The following MYOZ2 variants were observed in gnomAD, a reference collection of about 807,000 sequenced individuals.
MYOZ2 encodes the protein myozenin-2.
MYOZ2 carries 19 observed loss-of-function variants against 25.4 expected under a neutral mutation model. The ratio of observed to expected loss-of-function variants is 0.75; its 90% CI spans 0.52 to 1.10. The LOEUF (loss-of-function observed/expected upper bound fraction) is 1.10, where lower values mean the gene tolerates loss of function less well. Among genes scored for constraint, MYOZ2 ranks in the 50% least tolerant of loss-of-function variants. The pLI is 0.00. For synonymous variants in MYOZ2, 92 were observed against 106.9 expected (o/e 0.86, Z 0.86); for missense variants, 270 against 317.9 (o/e 0.85, Z 1.15).
chr4:119,176,512 TG>T (rs1195836136), intron 5 of MYOZ2, among the ~76,000 whole-genome samples: 2 of 152,202 alleles, frequency 1.3e-5, no homozygotes, highest in Non-Finnish European at 2.9e-5. Context: ...CATGAGCCAC[TG>T]TGCCTGGCCC....
In MYOZ2 at chr4:119,168,565, T is replaced by G. The variant is rs1425043586; in HGVS notation, c.560+4171T>G. Among the ~76,000 whole-genome samples the G allele has an allele frequency of 2.0e-5, 3 of 151,938 alleles. No homozygotes were observed. The East Asian group carries it at 5.8e-4, about 29-fold the overall frequency. On this transcript the variant is annotated intron_variant, in intron 5 of 5. Transcript: ENST00000307128. Reference sequence around the variant, plus strand: ...AACTCTCATGGTTAACTTTAAGGGGTTCAAGACTTCATTGGAGGAAGTAAA... The same window carrying G: ...AACTCTCATGGTTAACTTTAAGGGGGTCAAGACTTCATTGGAGGAAGTAAA...
chr4:119,185,662 C>T (rs1010056744), intron 5 of MYOZ2, among the ~76,000 whole-genome samples: 4 of 152,120 alleles, frequency 2.6e-5, no homozygotes, highest in African/African-American at 4.8e-5. Flanking sequence ...AGTACAAAGG[C>T]AAGACATGTC....
At chr4:119,141,133 G>A (rs531878747) in intron 2 of MYOZ2, among the ~76,000 whole-genome samples, 1 of 152,294 alleles carries the variant, frequency 6.6e-6, no homozygotes, top group African/African-American at 2.4e-5. Flanking sequence ...AGGGACAGGA[G>A]GAAGAGTTCT....
intron 5 of MYOZ2, among the ~76,000 whole-genome samples, chr4:119,172,502 T>C (rs1741967790): frequency 6.6e-6 from 1 of 152,150 alleles, no homozygotes; most frequent in South Asian, 2.1e-4. Context: ...TGAACCAGTT[T>C]ATTGATCTGA....
rs565483668 is a variant in MYOZ2 at position 119,185,953 on chromosome 4, T to TA, written c.561-11dup. The TA allele has an allele frequency of 1.1e-5, 17 of 1,598,276 alleles. No individual in the cohort carries two copies. The highest frequency in any genetic ancestry group is 2.2e-5 in the East Asian group (1 of 44,782). ...TATTAATTGAGATCTGTTTTTTTTT[T>TA]AATTTCCCACAGGGTTGCCACACCA... On this transcript the variant is annotated splice_polypyrimidine_tract_variant and intron_variant, in intron 5 of 5. Transcript: ENST00000307128.
chr4:119,148,103 A>T (rs531812029), intron 2 of MYOZ2, among the ~76,000 whole-genome samples: 4 of 152,254 alleles, frequency 2.6e-5, no homozygotes, highest in African/African-American at 9.6e-5. Flanking sequence ...CTTGCAGGAT[A>T]TATTTCACTG....
intron 2 of MYOZ2, among the ~76,000 whole-genome samples, chr4:119,141,301 T>C (rs138363344): frequency 1.3e-5 from 2 of 152,312 alleles, no homozygotes; most frequent in African/African-American, 4.8e-5. Context: ...AAACTATGGA[T>C]TAGATTAACT....
chr4:119,170,057 G>A (rs986578688), intron 5 of MYOZ2, among the ~76,000 whole-genome samples: 1 of 152,034 alleles, frequency 6.6e-6, no homozygotes, highest in African/African-American at 2.4e-5. Flanking sequence ...TAAGCATACA[G>A]TTCAGTGGTA....
At position 119,145,370 on chromosome 4, in the gene MYOZ2, G is replaced by A. The variant is rs867075780; in HGVS notation, c.77-5502G>A. On this transcript the variant is annotated intron_variant, in intron 2 of 5. Coordinates refer to ENST00000307128, the MANE Select transcript of MYOZ2 (RefSeq NM_016599.5). ...TTTTTTTTTTTTTTTTTTGAGATAG[G>A]GTCTCACTCTGTCTCCCATGTTGGA... Among the ~76,000 whole-genome samples the A allele has an allele frequency of 2.3e-5, 3 of 132,222 alleles. No individual in the cohort carries two copies. The South Asian group carries it at 7.6e-4, about 33-fold the overall frequency. 86.7% of individuals were successfully genotyped at this position (132,222 alleles called of 152,430 possible).
At chr4:119,184,017 G>A (rs749470355) in intron 5 of MYOZ2, among the ~76,000 whole-genome samples, 1 of 152,028 alleles carries the variant, frequency 6.6e-6, no homozygotes, top group African/African-American at 2.4e-5. Flanking sequence ...GTTTCTCCAT[G>A]TTGGTCAGGC....
Position 119,140,866 on chromosome 4 carries a change from A to G in MYOZ2, c.76+4265A>G, listed in dbSNP as rs1741146305. 2.0e-5 allele frequency among the ~76,000 whole-genome samples: 3 copies of G among 152,336 alleles called. 1 individual carries two copies. Among genetic ancestry groups the G allele is most frequent in the South Asian group, 4.1e-4 (2 of 4,824 alleles). Reference sequence around the variant, plus strand: ...AATGACAAATTTTTGAAAACTTTATAAAATAGCCTTAGAACTCAAATCAAG... The same window carrying G: ...AATGACAAATTTTTGAAAACTTTATGAAATAGCCTTAGAACTCAAATCAAG... On this transcript the variant is annotated intron_variant, in intron 2 of 5. Transcript: ENST00000307128.
At chr4:119,180,452 T>G (rs1742163849) in intron 5 of MYOZ2, among the ~76,000 whole-genome samples, 1 of 152,254 alleles carries the variant, frequency 6.6e-6, no homozygotes, top group South Asian at 2.1e-4. Context: ...ACTTGTTAAT[T>G]TAATCTGCAT....
intron 5 of MYOZ2, among the ~76,000 whole-genome samples, chr4:119,182,115 A>G (rs1341289249): frequency 1.3e-5 from 2 of 152,238 alleles, no homozygotes; most frequent in Non-Finnish European, 2.9e-5. Flanking sequence ...GTGTCAAATT[A>G]TATTGCAAGT....
At chr4:119,169,726 G>A (rs1392172602) in intron 5 of MYOZ2, among the ~76,000 whole-genome samples, 2 of 152,198 alleles carry the variant, frequency 1.3e-5, no homozygotes, top group African/African-American at 2.4e-5. Flanking sequence ...TTCCAGGGAG[G>A]AGGGGTCTTG....
At position 119,158,078 on chromosome 4, in the gene MYOZ2, G is replaced by A. The variant is rs527258961; in HGVS notation, c.303G>A (p.Ser101=). Residue 101 remains serine (S), a synonymous_variant, in exon 4 of 6, where the codon TCG becomes TCA. Coordinates refer to ENST00000307128, the MANE Select transcript of MYOZ2 (RefSeq NM_016599.5). ...KVDGSNLEGG[S]QQAPLTPPNT... ...ATGGAAGTAACTTGGAAGGTGGTTCGCAGCAAGCCCCCTTGACTCCTCCCA... is the reference window on the plus strand; with the variant it reads ...ATGGAAGTAACTTGGAAGGTGGTTCACAGCAAGCCCCCTTGACTCCTCCCA... The A allele has an allele frequency of 5.4e-5, 87 of 1,613,864 alleles. 1 individual carries two copies. The East Asian group carries it at 1.4e-3, about 27-fold the overall frequency.
chr4:119,146,013 T>A lies in MYOZ2; in HGVS notation c.77-4859T>A, dbSNP rs548338057. Among the ~76,000 whole-genome samples the A allele has an allele frequency of 3.9e-5, 6 of 152,282 alleles. No individual in the cohort carries two copies. In the South Asian group the frequency reaches 1.2e-3, roughly 32 times the overall value. On this transcript the variant is annotated intron_variant, in intron 2 of 5. Transcript: ENST00000307128. ...AGTTTATGTGAATTTATATGTAGAA[T>A]TGTTTGTAGTATTAATATTCTTATT... is the stretch of plus-strand genomic sequence containing the variant.
intron 3 of MYOZ2, among the ~76,000 whole-genome samples, chr4:119,152,081 G>C (rs1741465871): frequency 6.6e-6 from 1 of 151,970 alleles, no homozygotes; most frequent in Admixed American, 6.6e-5. Flanking sequence ...AATGTTGAGA[G>C]GACACTTAAC....
chr4:119,186,392 C>G lies in MYOZ2; in HGVS notation c.*192C>G, dbSNP rs1350226346. 1 of 579,128 alleles carries G rather than the reference C, an allele frequency of 1.7e-6. No individual in the cohort carries two copies. The highest frequency in any genetic ancestry group is 3.0e-6 in the Non-Finnish European group (1 of 331,952). The allele number at this position is 579,128 out of a possible 1,614,324, so 35.9% of individuals were successfully genotyped here. ...CAATTAGAAATCTTACTTTAAAAAA[C>G]TTATAACTCACTTGTCTTCATTCAT... is the stretch of plus-strand genomic sequence containing the variant. On this transcript the variant is annotated 3_prime_UTR_variant, in exon 6 of 6. Transcript: ENST00000307128.
intron 5 of MYOZ2, among the ~76,000 whole-genome samples, chr4:119,172,559 A>G (rs1321540591): frequency 6.6e-6 from 1 of 152,196 alleles, no homozygotes; most frequent in African/African-American, 2.4e-5. Flanking sequence ...AAATATCTCA[A>G]ACACTGTTCT....
Sources: allele counts gnomAD v4.1 joint callset (sites outside exome capture counted in the v4.1 genomes callset), GRCh38; gene constraint gnomAD v4.1.1; transcripts MANE v1.5; gene names NCBI Gene and HGNC (gene_info 2026-07-23, HGNC 2026-07-21).